Variants in ITGA10 observed in about 807,000 individuals in gnomAD.
ITGA10 encodes integrin subunit alpha 10, also known as integrin alpha-10.
In ITGA10, 105 loss-of-function variants were observed where a neutral mutation model predicts 145.2. The observed-to-expected ratio is 0.72, with a 90% CI of 0.62 to 0.85. The LOEUF is 0.85. Ranked by LOEUF, ITGA10 falls within the 40% of genes least tolerant of loss-of-function variation. ITGA10 has a pLI of 0.00. For synonymous variants in ITGA10, 506 were observed against 557.8 expected, an observed-to-expected ratio of 0.91 and a Z score of 1.31; for missense variants, 1,317 against 1,444.5, an observed-to-expected ratio of 0.91 and a Z score of 1.43.
rs149835959 is a variant in ITGA10, at chr1:145,901,637, C to A, written c.1322G>T (p.Arg441Leu). ...AGAGAGAAACAGGCGGCGTCCACCC[C>A]GCAAAAGCATGGAAGAAACAGAGTA... ...LGYSVSSMLL[R>L]GGRRLFLSGA... Residue 441 changes from arginine to leucine, a missense_variant, in exon 12 of 30, where the codon CGG becomes CTG. Physicochemically the swap from Arg to Leu is moderately radical, Grantham distance 102. Coordinates refer to ENST00000369304, the MANE Select transcript of ITGA10 (RefSeq NM_003637.5). The surrounding 1 kb of genome is among the most constrained non-coding windows in gnomAD (Gnocchi z 4.3). 2 of 1,581,404 alleles carry A rather than the reference C, an allele frequency of 1.3e-6. No individual in the cohort carries two copies. The highest frequency in any genetic ancestry group is 1.4e-5 in the African/African-American group (1 of 73,240).
At chr1:145,905,570 C>T (rs1402339590) in intron 5 of ITGA10, among the ~76,000 whole-genome samples, 3 of 149,918 alleles carry the variant, frequency 2.0e-5, no homozygotes, top group East Asian at 4.0e-4. Context: ...TGAGCCACCA[C>T]GCCTGGCCCA....
At position 145,902,295 on chromosome 1, in the gene ITGA10, G is replaced by C. The variant is rs587712448; in HGVS notation, c.1100C>G (p.Ser367Cys). 5 of 1,614,144 alleles carry C rather than the reference G, an allele frequency of 3.1e-6. No individual in the cohort carries two copies. The South Asian group carries it at 5.5e-5, about 18-fold the overall frequency. ...LEGSHAENES[S>C]FGLEMSQIGF... ...AATCTGAGACATTTCCAGCCCAAAG[G>C]AGCTTTCGTTTTCTGCATGGGACCC... Residue 367 changes from serine (S) to cysteine (C), a missense_variant, in exon 10 of 30, where the codon TCC (serine) becomes TGC (cysteine). Coordinates refer to ENST00000369304, the MANE Select transcript of ITGA10 (RefSeq NM_003637.5).
chr1:145,895,417 C>T (rs782708905), intron 26 of ITGA10, 24 bp from the exon 27 acceptor site: 2 of 1,567,890 alleles, frequency 1.3e-6, no homozygotes, highest in Non-Finnish European at 1.8e-6. Flanking sequence ...CAGAGAGAGA[C>T]AGATCAGGAC....
intron 7 of ITGA10, among the ~76,000 whole-genome samples, chr1:145,903,373 G>A (rs782575600): frequency 8.5e-5 from 13 of 152,270 alleles, no homozygotes; most frequent in South Asian, 2.1e-4. Context: ...CTAGAGATGA[G>A]TTTTGGATCA....
At chr1:145,903,779 C>T (rs182028929) in intron 7 of ITGA10, among the ~76,000 whole-genome samples, 25 of 151,890 alleles carry the variant, frequency 1.6e-4, no homozygotes, top group East Asian at 5.8e-4. Context: ...CTCCACCTCC[C>T]GGGATTAAGT....
chr1:145,900,786 T>G lies in ITGA10; in HGVS notation c.1791+4A>C. On this transcript the variant is annotated splice_donor_region_variant and intron_variant, in intron 14 of 29. Transcript: ENST00000369304. The stretch of plus-strand genomic sequence containing the variant: ...TGCCCCTGCTTTATTTGGGTACTCC[T>G]GACCTGGGCAGGATGGGGCCTGACT... 1 of 1,614,120 alleles carries G rather than the reference T, an allele frequency of 6.2e-7. No homozygotes were observed. Among genetic ancestry groups the G allele is most frequent in the Non-Finnish European group, 8.5e-7 (1 of 1,179,956 alleles).
intron 17 of ITGA10, among the ~76,000 whole-genome samples, chr1:145,898,660 G>A (rs1355325752): frequency 5.3e-5 from 8 of 152,082 alleles, no homozygotes; most frequent in Non-Finnish European, 7.4e-5. Context: ...GAGCCACTGC[G>A]CCCGGCTAAA....
rs782364655 is a variant in ITGA10 at position 145,892,912 on chromosome 1, C to A, written c.3439-49G>T. On this transcript the variant is annotated intron_variant, in intron 29 of 29. Coordinates refer to ENST00000369304, the MANE Select transcript of ITGA10 (RefSeq NM_003637.5). ...ACTGCCAAATGCCTAGACTGGGAAC[C>A]TTGCCAGTAGCTCTCAGACTTATCT... The A allele has an allele frequency of 4.9e-6, 7 of 1,429,428 alleles. No homozygotes were observed. In the South Asian group the frequency reaches 8.0e-5, roughly 16 times the overall value. 88.5% of individuals were successfully genotyped at this position (1,429,428 alleles called of 1,614,324 possible). A position where few individuals can be genotyped will look rare whatever the true frequency, so the allele number is the denominator to read the frequency against.
In ITGA10 at chr1:145,892,938, G is replaced by A. The variant is rs587743666; in HGVS notation, c.3439-75C>T. 1.7e-4 allele frequency: 198 copies of A among 1,168,398 alleles called. No homozygotes were observed. The South Asian group carries it at 2.1e-3, about 12-fold the overall frequency. 72.4% of individuals were successfully genotyped at this position (1,168,398 alleles called of 1,614,324 possible). A position where few individuals can be genotyped will look rare whatever the true frequency, so the allele number is the denominator to read the frequency against. Reference sequence around the variant, plus strand: ...TTGCCAGTAGCTCTCAGACTTATCTGAGGTCTTCACTTTTGTTCTGTTTCC... The same window carrying A: ...TTGCCAGTAGCTCTCAGACTTATCTAAGGTCTTCACTTTTGTTCTGTTTCC... On this transcript the variant is annotated intron_variant, in intron 29 of 29. Transcript: ENST00000369304.
In ITGA10 at chr1:145,892,308, G is replaced by A. The variant is rs1429683276; in HGVS notation, c.*490C>T. ...GCTCTATGAATCACCAGAGTCCACA[G>A]GAAAGCAGCAGATGTTGACTTTACT... On this transcript the variant is annotated 3_prime_UTR_variant, in exon 30 of 30. Transcript: ENST00000369304. The A allele has an allele frequency of 1.3e-5, 2 of 154,242 alleles. No individual in the cohort carries two copies. Among genetic ancestry groups the A allele is most frequent in the African/African-American group, 4.8e-5 (2 of 41,462 alleles). The allele number at this position is 154,242 out of a possible 1,614,324, so 9.6% of individuals were successfully genotyped here.
chr1:145,899,167 TCACTCACAGAATTGGTGATCC>T lies in ITGA10; in HGVS notation c.2076_2089+7del, dbSNP rs1553746794. ...GAGAGTTGCCTGTGATGCATTTTAG[TCACTCACAGAATTGGTGATCC>T]CAGCGACCAGGAGTACGGGAGGTCA... On this transcript the variant is annotated splice_donor_variant and splice_donor_5th_base_variant and coding_sequence_variant and intron_variant, in exon 16 of 30. Transcript: ENST00000369304. LOFTEE classifies it high-confidence loss of function. 1.9e-6 allele frequency: 3 copies of T among 1,614,194 alleles called. No individual in the cohort carries two copies. The highest frequency in any genetic ancestry group is 2.5e-6 in the Non-Finnish European group (3 of 1,180,038).
Position 145,892,532 on chromosome 1 carries a change from G to T in ITGA10, c.*266C>A. On this transcript the variant is annotated 3_prime_UTR_variant, in exon 30 of 30. Transcript: ENST00000369304. ...AAAAGGACCCCAAACAAAAGCCCCAGTGTTGGCTATGGAACCAGGATCACG... is the reference window on the plus strand; with the variant it reads ...AAAAGGACCCCAAACAAAAGCCCCATTGTTGGCTATGGAACCAGGATCACG... 2.6e-6 allele frequency: 1 copy of T among 381,552 alleles called. No individual in the cohort carries two copies. The highest frequency in any genetic ancestry group is 4.7e-6 in the Non-Finnish European group (1 of 213,266). 23.6% of individuals were successfully genotyped at this position (381,552 alleles called of 1,614,324 possible).
rs782243985 is a variant in ITGA10, at chr1:145,902,849, C to T, written c.871G>A (p.Ala291Thr). 1.9e-6 allele frequency: 3 copies of T among 1,613,708 alleles called. No homozygotes were observed. Among genetic ancestry groups the T allele is most frequent in the Admixed American group, 3.3e-5 (2 of 59,950 alleles). ...CGTGTCACTCTTCCAGCCTCACAGG[C>T]CTTTAGTGCTGCAGGAAGCTCCTCT... ...DGEELPAALK[A>T]CEAGRVTRYG... Residue 291 changes from alanine (A) to threonine (T), a missense_variant, in exon 8 of 30, where the codon GCC becomes ACC. Physicochemically the swap from Ala to Thr is moderately conservative, Grantham distance 58 (BLOSUM62 0). Coordinates refer to ENST00000369304, the MANE Select transcript of ITGA10 (RefSeq NM_003637.5).
Position 145,899,030 on chromosome 1 carries a change from GC to G in ITGA10, c.2137del (p.Ala713GlnfsTer43), listed in dbSNP as rs782649737. 4 of 1,614,144 alleles carry G rather than the reference GC, an allele frequency of 2.5e-6. No homozygotes were observed. The highest frequency in any genetic ancestry group is 3.4e-6 in the Non-Finnish European group (4 of 1,180,054). On this transcript the variant is annotated frameshift_variant, in exon 17 of 30. Transcript: ENST00000369304. LOFTEE classifies it high-confidence loss of function. ...CCTCTGGCCAGAGCCATCAAATGCT[GC>G]ACGTGCCCCAGCAGTCCATTCATCC... ...SLDEWTAGAR[A>X]AFDGSGQRLS...
Position 145,901,358 on chromosome 1 carries a change from C to A in ITGA10, c.1444-80G>T. ...AAGTGGACTCAGTGGGAAGCACTCA[C>A]CAGCCTGCTAGTCTGCTCCTTACAT... On this transcript the variant is annotated intron_variant, in intron 12 of 29. Coordinates refer to ENST00000369304, the MANE Select transcript of ITGA10 (RefSeq NM_003637.5). This position sits in a 1 kb window ranked among gnomAD's most constrained non-coding sequence, Gnocchi z 4.3. 1 of 1,556,778 alleles carries A rather than the reference C, an allele frequency of 6.4e-7. No individual in the cohort carries two copies. The highest frequency in any genetic ancestry group is 8.8e-7 in the Non-Finnish European group (1 of 1,141,008).
chr1:145,904,453 T>C (rs587636912), intron 6 of ITGA10, among the ~76,000 whole-genome samples: 13 of 152,140 alleles, frequency 8.5e-5, no homozygotes, highest in Admixed American at 5.9e-4. Context: ...CACTACAGCC[T>C]CAAACTCCTG....
intron 5 of ITGA10, among the ~76,000 whole-genome samples, chr1:145,905,274 G>A (rs1656974529): frequency 6.7e-6 from 1 of 149,924 alleles, no homozygotes; most frequent in South Asian, 2.1e-4. Context: ...AAGGCATGTG[G>A]GTAGAGAACA....
chr1:145,905,502 A>C (rs587772404), intron 5 of ITGA10, among the ~76,000 whole-genome samples: 1 of 151,814 alleles, frequency 6.6e-6, no homozygotes, highest in South Asian at 2.1e-4. Flanking sequence ...GATGGTCTCG[A>C]TCTCCTGACC....
chr1:145,902,120 C>T, intron 10 of ITGA10, 99 bp from the exon 11 acceptor site: 1 of 1,584,722 alleles, frequency 6.3e-7, no homozygotes, highest in Non-Finnish European at 8.6e-7. Flanking sequence ...GTCTGCTGGG[C>T]TCAGTTGGAA....
Sources: gnomAD v4.1 joint callset for allele counts (sites outside exome capture counted in the v4.1 genomes callset) on GRCh38, gnomAD v4.1.1 for gene constraint, Gnocchi (gnomAD v3.1) non-coding constraint, MANE v1.5 for transcripts, NCBI Gene and HGNC (gene_info 2026-07-23, HGNC 2026-07-21) for gene names.